The following RSBN1L variants were observed in gnomAD, a reference collection of about 807,000 sequenced individuals.
RSBN1L encodes the protein lysine-specific demethylase RSBN1L.
A neutral mutation model predicts 67.7 loss-of-function variants in RSBN1L; 30 were observed. The observed-to-expected ratio is 0.44, with a 90% CI of 0.33 to 0.60. The LOEUF (loss-of-function observed/expected upper bound fraction) is 0.60, where lower values mean the gene tolerates loss of function less well. Ranked by LOEUF, RSBN1L falls within the 20% of genes least tolerant of loss-of-function variation. The pLI is 0.02. For synonymous variants in RSBN1L, 433 were observed against 387.0 expected (o/e 1.12, Z -1.39); for missense variants, 992 against 1,031.7 (o/e 0.96, Z 0.53).
intron 1 of RSBN1L, among the ~76,000 whole-genome samples, chr7:77,715,609 A>T (rs1791038800): frequency 6.6e-6 from 1 of 152,110 alleles, no homozygotes; most frequent in African/African-American, 2.4e-5. Context: ...GCCTGGCCCT[A>T]GCAGTGGAAT....
chr7:77,766,482 C>T (rs1410966994), intron 4 of RSBN1L, among the ~76,000 whole-genome samples: 1 of 151,806 alleles, frequency 6.6e-6, no homozygotes, highest in Non-Finnish European at 1.5e-5. Context: ...ACTGTGCCCA[C>T]CACCACAGGC....
intron 2 of RSBN1L, among the ~76,000 whole-genome samples, chr7:77,744,918 T>C (rs1317748437): frequency 6.6e-6 from 1 of 152,242 alleles, no homozygotes; most frequent in Non-Finnish European, 1.5e-5. Context: ...CAACTTAAAA[T>C]AGTTTTTGTT....
At position 77,778,274 on chromosome 7, in the gene RSBN1L, T is replaced by C. The variant is rs1398315703; in HGVS notation, c.1794-64T>C. 6.2e-6 allele frequency: 7 copies of C among 1,120,778 alleles called. No homozygotes were observed. In the East Asian group the frequency reaches 9.5e-5, roughly 15 times the overall value. 69.4% of individuals were successfully genotyped at this position (1,120,778 alleles called of 1,614,324 possible). On this transcript the variant is annotated intron_variant, in intron 6 of 7. Coordinates refer to ENST00000334955, the MANE Select transcript of RSBN1L (RefSeq NM_198467.3). ...CCATAAAGTATTTTTGCTTTGAGTT[T>C]AATAAGGACTCAAAAGAGTGAAGCA...
Position 77,697,019 on chromosome 7 carries a change from C to T in RSBN1L, c.550C>T (p.Arg184Trp), listed in dbSNP as rs1289546042. The T allele has an allele frequency of 1.3e-6, 2 of 1,523,732 alleles. No individual in the cohort carries two copies. The highest frequency in any genetic ancestry group is 1.4e-5 in the African/African-American group (1 of 72,690). The allele number at this position is 1,523,732 out of a possible 1,614,324, so 94.4% of individuals were successfully genotyped here. A position where few individuals can be genotyped will look rare whatever the true frequency, so the allele number is the denominator to read the frequency against. The change falls in exon 1 of 8, where the codon CGG becomes TGG. Residue 184 changes from arginine (R) to tryptophan (W), a missense_variant. Coordinates refer to ENST00000334955, the MANE Select transcript of RSBN1L (RefSeq NM_198467.3). ...GGCCCGAGAGGCCGGCGGGGCCTCC[C>T]GGGAGGAGAACGGGGAGGTGAAGCC... ...GGAREAGGASREENGEVKPLP... is the reference protein window; with the variant it reads ...GGAREAGGASWEENGEVKPLP...
At chr7:77,766,275 C>T (rs954097677) in intron 4 of RSBN1L, among the ~76,000 whole-genome samples, 2 of 152,182 alleles carry the variant, frequency 1.3e-5, no homozygotes, top group Admixed American at 6.5e-5. Flanking sequence ...CCCTGACCTC[C>T]GTGGGCTTGG....
chr7:77,722,759 T>C (rs573267744), intron 1 of RSBN1L, among the ~76,000 whole-genome samples: 1 of 151,988 alleles, frequency 6.6e-6, no homozygotes, highest in African/African-American at 2.4e-5. Flanking sequence ...GAAGGAATAA[T>C]GTAAGAGAGG....
intron 1 of RSBN1L, among the ~76,000 whole-genome samples, chr7:77,698,821 CAA>C (rs1385246948): frequency 2.0e-5 from 3 of 151,852 alleles, no homozygotes; most frequent in Non-Finnish European, 4.4e-5. Flanking sequence ...TTTTCAGACA[CAA>C]ATGCTATCTT....
At chr7:77,719,826 G>C (rs1431135057) in intron 1 of RSBN1L, among the ~76,000 whole-genome samples, 1 of 152,206 alleles carries the variant, frequency 6.6e-6, no homozygotes, top group African/African-American at 2.4e-5. Flanking sequence ...GTGCAGTGGT[G>C]TGATCATGGC....
intron 2 of RSBN1L, among the ~76,000 whole-genome samples, chr7:77,746,940 T>C (rs1791491834): frequency 6.6e-6 from 1 of 152,240 alleles, no homozygotes; most frequent in South Asian, 2.1e-4. Flanking sequence ...GTGCCTTGGG[T>C]AGCCCCACCC....
chr7:77,769,432 G>T (rs143818236), intron 5 of RSBN1L, among the ~76,000 whole-genome samples: 79 of 152,272 alleles, frequency 5.2e-4, no homozygotes, highest in African/African-American at 1.5e-3. Context: ...AATAATGCTG[G>T]CATATTTGGC....
chr7:77,697,970 A>C (rs1298262005), intron 1 of RSBN1L, among the ~76,000 whole-genome samples: 1 of 152,258 alleles, frequency 6.6e-6, no homozygotes, highest in Non-Finnish European at 1.5e-5. Flanking sequence ...ATGTGATCGC[A>C]AGCTTAAAGC....
chr7:77,746,331 G>A (rs1791483618), intron 2 of RSBN1L, among the ~76,000 whole-genome samples: 1 of 152,108 alleles, frequency 6.6e-6, no homozygotes, highest in African/African-American at 2.4e-5. Flanking sequence ...GCCGTACATG[G>A]CCAGAGCAGG....
intron 6 of RSBN1L, chr7:77,773,519 C>T: frequency 2.9e-6 from 1 of 344,536 alleles, no homozygotes; most frequent in Admixed American, 4.4e-5. Context: ...AATCGCAGCA[C>T]TTTGGGAGGC....
chr7:77,750,766 T>A (rs1000273797), intron 3 of RSBN1L, among the ~76,000 whole-genome samples: 3 of 152,164 alleles, frequency 2.0e-5, no homozygotes, highest in Non-Finnish European at 4.4e-5. Context: ...AGTTTTTGGT[T>A]TTCTAGGAAC....
chr7:77,713,671 T>C (rs2150414131), intron 1 of RSBN1L, among the ~76,000 whole-genome samples: 2 of 151,942 alleles, frequency 1.3e-5, no homozygotes, highest in South Asian at 4.2e-4. Flanking sequence ...CTTCCTTTTT[T>C]TTTTTTTTAA....
intron 1 of RSBN1L, among the ~76,000 whole-genome samples, chr7:77,732,711 A>G (rs1298346839): frequency 1.3e-5 from 2 of 152,224 alleles, no homozygotes; most frequent in Admixed American, 6.5e-5. Flanking sequence ...GGTCTGAATT[A>G]TGGCCAAAAT....
intron 1 of RSBN1L, among the ~76,000 whole-genome samples, chr7:77,716,234 G>A (rs1791046102): frequency 6.6e-6 from 1 of 152,094 alleles, no homozygotes; most frequent in Non-Finnish European, 1.5e-5. Context: ...TTCACATTTA[G>A]GTCCGCAATG....
At chr7:77,760,228 G>A (rs1444312273) in intron 3 of RSBN1L, among the ~76,000 whole-genome samples, 1 of 151,882 alleles carries the variant, frequency 6.6e-6, no homozygotes, top group African/African-American at 2.4e-5. Flanking sequence ...TATATAAGTC[G>A]AATATTAGTT....
chr7:77,746,300 A>G (rs1791483036), intron 2 of RSBN1L, among the ~76,000 whole-genome samples: 1 of 152,168 alleles, frequency 6.6e-6, no homozygotes, highest in Admixed American at 6.5e-5. Flanking sequence ...TTATGGTGGA[A>G]GGTGAAGGGA....
Sources: allele counts gnomAD v4.1 joint callset (sites outside exome capture counted in the v4.1 genomes callset), GRCh38; gene constraint gnomAD v4.1.1; transcripts MANE v1.5; gene names NCBI Gene and HGNC (gene_info 2026-07-23, HGNC 2026-07-21).